BMERB1: variants seen among roughly 807,000 people sequenced by gnomAD.
BMERB1 encodes bMERB domain containing 1.
BMERB1 carries 12 observed loss-of-function variants against 23.6 expected under a neutral mutation model. The observed-to-expected ratio is 0.51, with a 90% confidence interval of 0.33 to 0.82. The LOEUF (loss-of-function observed/expected upper bound fraction) is 0.82. BMERB1 is among the 40% of genes least tolerant of loss of function. The probability of loss-of-function intolerance (pLI) is 0.03; values close to 1 mark genes in which losing one functional copy is unlikely to be tolerated. For missense variants in BMERB1, 247 were observed against 255.4 expected (o/e 0.97, Z 0.22); for synonymous variants, 122 against 96.6 (o/e 1.26, Z -1.54).
At chr16:15,460,682 A>G (rs1202963010) in intron 1 of BMERB1, among the ~76,000 whole-genome samples, 1 of 152,204 alleles carries the variant, frequency 6.6e-6, no homozygotes, top group East Asian at 1.9e-4. Flanking sequence ...ATCCACACAT[A>G]TTGGCTGAAC....
At chr16:15,479,750 A>C (rs1160607231) in intron 1 of BMERB1, among the ~76,000 whole-genome samples, 1 of 151,944 alleles carries the variant, frequency 6.6e-6, no homozygotes, top group African/African-American at 2.4e-5. Flanking sequence ...CATGTTACCT[A>C]TGTTACCATG....
chr16:15,558,867 T>C (rs1393756433), intron 2 of BMERB1, among the ~76,000 whole-genome samples: 6 of 151,732 alleles, frequency 4.0e-5, no homozygotes, highest in African/African-American at 1.2e-4. Flanking sequence ...CGTGAGTGGC[T>C]GTAGGAGCTT....
chr16:15,488,985 T>C (rs1023098479), intron 1 of BMERB1, among the ~76,000 whole-genome samples: 3 of 151,358 alleles, frequency 2.0e-5, no homozygotes, highest in Admixed American at 1.3e-4. Context: ...CCAAAGTCTA[T>C]CTGTTTATCC....
rs527923046 is a variant in BMERB1 at position 15,526,435 on chromosome 16, G to A, written c.230+11007G>A. Among the ~76,000 whole-genome samples the A allele has an allele frequency of 6.6e-5, 10 of 152,274 alleles. No homozygotes were observed. The East Asian group carries it at 1.7e-3, about 26-fold the overall frequency. ...AATCCCAGCACTTTGGGAGGCTGAG[G>A]TGGGTGGATCACAAGTTCAGGAGAT... On this transcript the variant is annotated intron_variant, in intron 2 of 5. Coordinates refer to ENST00000300006, the MANE Select transcript of BMERB1 (RefSeq NM_033201.3).
chr16:15,482,769 T>C (rs2051333224), intron 1 of BMERB1, among the ~76,000 whole-genome samples: 1 of 152,236 alleles, frequency 6.6e-6, no homozygotes, highest in Non-Finnish European at 1.5e-5. Context: ...TTCTTAGTTA[T>C]AAAATTAATA....
rs551461432 is a variant in BMERB1 at position 15,437,081 on chromosome 16, CCTG to C, written c.106+2325_106+2327del. ...AACCCCGGTCTGTTGGACCCCAGAG[CCTG>C]CTTTTAACATGAAGGTTTATTGCTT... On this transcript the variant is annotated intron_variant, in intron 1 of 5. Transcript: ENST00000300006. Among the ~76,000 whole-genome samples, 18 of 152,224 alleles carry C rather than the reference CCTG, an allele frequency of 1.2e-4. No individual in the cohort carries two copies. The South Asian group carries it at 3.7e-3, about 32-fold the overall frequency.
intron 1 of BMERB1, among the ~76,000 whole-genome samples, chr16:15,490,532 C>T (rs1180246922): frequency 1.3e-5 from 2 of 152,116 alleles, no homozygotes; most frequent in Admixed American, 6.5e-5. Context: ...ACCCTCCTGC[C>T]TCAACCTCCC....
intron 1 of BMERB1, among the ~76,000 whole-genome samples, chr16:15,470,517 TTTTC>T (rs1283495006): frequency 2.8e-5 from 4 of 140,376 alleles, no homozygotes; most frequent in East Asian, 2.1e-4. Context: ...GAGTGTTCCT[TTTTC>T]TTTCTTTCTT....
At chr16:15,443,423 T>C (rs1171771748) in intron 1 of BMERB1, among the ~76,000 whole-genome samples, 1 of 150,268 alleles carries the variant, frequency 6.7e-6, no homozygotes, top group Non-Finnish European at 1.5e-5. Flanking sequence ...GACGTGGTGC[T>C]AGCTACTTGG....
chr16:15,493,964 C>G (rs1200251177), intron 1 of BMERB1, among the ~76,000 whole-genome samples: 3 of 152,188 alleles, frequency 2.0e-5, no homozygotes, highest in Admixed American at 6.5e-5. Flanking sequence ...CCATCTGCTC[C>G]TCTAACCATC....
rs778256543 is a variant in BMERB1, at chr16:15,542,150, G to A, written c.231-25833G>A. Among the ~76,000 whole-genome samples, 33 of 145,658 alleles carry A rather than the reference G, an allele frequency of 2.3e-4. 1 individual carries two copies. Among genetic ancestry groups the A allele is most frequent in the African/African-American group, 3.1e-4 (12 of 38,564 alleles). ...ATGATTGCGGCTCACTGCAACCTCC[G>A]CCTCCCAGGTTCAAGCAATTATCCT... On this transcript the variant is annotated intron_variant, in intron 2 of 5. Coordinates refer to ENST00000300006, the MANE Select transcript of BMERB1 (RefSeq NM_033201.3).
At chr16:15,468,066 G>A (rs1435648842) in intron 1 of BMERB1, among the ~76,000 whole-genome samples, 1 of 150,628 alleles carries the variant, frequency 6.6e-6, no homozygotes, top group Non-Finnish European at 1.5e-5. Flanking sequence ...GATTCAGAGA[G>A]AACAGATTGT....
chr16:15,496,111 A>ATGATGGTGATAATGG (rs2051470913), intron 1 of BMERB1, among the ~76,000 whole-genome samples: 1 of 146,500 alleles, frequency 6.8e-6, no homozygotes, highest in Non-Finnish European at 1.5e-5. Context: ...GGGGATAGTA[A>ATGATGGTGATAATGG]TGATGGTGAT....
At chr16:15,508,285 A>G (rs948933052) in intron 1 of BMERB1, among the ~76,000 whole-genome samples, 1 of 152,174 alleles carries the variant, frequency 6.6e-6, no homozygotes, top group African/African-American at 2.4e-5. Flanking sequence ...TGGAGAGATT[A>G]CAGTATACCA....
intron 2 of BMERB1, among the ~76,000 whole-genome samples, chr16:15,564,335 A>C (rs954599204): frequency 6.6e-6 from 1 of 151,840 alleles, no homozygotes; most frequent in Non-Finnish European, 1.5e-5. Context: ...GCATACATAA[A>C]TTTTTTTTTG....
chr16:15,519,866 A>G (rs925140506), intron 2 of BMERB1, among the ~76,000 whole-genome samples: 3 of 152,108 alleles, frequency 2.0e-5, no homozygotes, highest in Non-Finnish European at 2.9e-5. Flanking sequence ...ACAGTGAGGA[A>G]GAAGAGGAGG....
At chr16:15,533,927 C>T (rs916722599) in intron 2 of BMERB1, among the ~76,000 whole-genome samples, 1 of 152,076 alleles carries the variant, frequency 6.6e-6, no homozygotes, top group Non-Finnish European at 1.5e-5. Context: ...TAGGGAAATC[C>T]AAAATCCAGC....
intron 1 of BMERB1, among the ~76,000 whole-genome samples, chr16:15,446,433 A>G (rs1261812650): frequency 3.9e-5 from 6 of 152,136 alleles, no homozygotes; most frequent in South Asian, 2.1e-4. Context: ...AATAACATGC[A>G]TGAAGTTCTT....
intron 1 of BMERB1, among the ~76,000 whole-genome samples, chr16:15,506,059 G>A (rs1350195649): frequency 6.6e-6 from 1 of 152,018 alleles, no homozygotes. Context: ...CTGGGTTTGA[G>A]TTTCATTTCT....
Sources: allele counts gnomAD v4.1 joint callset (sites outside exome capture counted in the v4.1 genomes callset), GRCh38; gene constraint gnomAD v4.1.1; transcripts MANE v1.5; gene names NCBI Gene and HGNC (gene_info 2026-07-23, HGNC 2026-07-21).